The following EPB41L1 variants were observed in gnomAD, a reference collection of about 807,000 sequenced individuals.
The protein encoded by EPB41L1 is erythrocyte membrane protein band 4.1 like 1.
Under a neutral mutation model 97.8 loss-of-function variants are expected in EPB41L1, and 29 were observed. That is an observed-to-expected ratio of 0.30 (90% CI 0.22 to 0.40). EPB41L1 has a LOEUF of 0.40. EPB41L1 is among the 10% of genes least tolerant of loss of function. EPB41L1 has a pLI of 1.00. For missense variants in EPB41L1, 812 were observed against 1,162.3 expected (o/e 0.70, Z 4.38); for synonymous variants, 383 against 459.2 (o/e 0.83, Z 2.12).
chr20:36,221,194 C>T (rs1406935411), intron 19 of EPB41L1, among the ~76,000 whole-genome samples: 3 of 152,256 alleles, frequency 2.0e-5, no homozygotes, highest in Admixed American at 2.0e-4. Flanking sequence ...CCTGCTTTAA[C>T]ATGCCAAACA....
At position 36,187,778 on chromosome 20, in the gene EPB41L1, CT is replaced by C. The variant is rs779802897; in HGVS notation, c.873+16del. The C allele has an allele frequency of 3.1e-6, 5 of 1,611,562 alleles. No homozygotes were observed. In the East Asian group the frequency reaches 8.9e-5, roughly 29 times the overall value. ...ACCATGCCAAGGTACCACCAGCTTCCTGGGTTCCCCTAGTGTCTGGGTGGTG... is the reference window on the plus strand; with the variant it reads ...ACCATGCCAAGGTACCACCAGCTTCCGGGTTCCCCTAGTGTCTGGGTGGTG... On this transcript the variant is annotated intron_variant, in intron 8 of 21. Transcript: ENST00000338074.
intron 2 of EPB41L1, among the ~76,000 whole-genome samples, chr20:36,140,525 G>A (rs1335670731): frequency 6.6e-6 from 1 of 152,158 alleles, no homozygotes; most frequent in Admixed American, 6.5e-5. Context: ...AAGGGTGGTT[G>A]TAAGCACTGA....
intron 1 of EPB41L1, among the ~76,000 whole-genome samples, chr20:36,163,129 G>GTT (rs11347137): frequency 1.5e-4 from 21 of 140,998 alleles, no homozygotes; most frequent in South Asian, 4.5e-4. Flanking sequence ...CACTCTTTCT[G>GTT]TTTTTTTTTT....
In EPB41L1 at chr20:36,175,610, G is replaced by T. The variant is rs372366944; in HGVS notation, c.237G>T (p.Thr79=). The T allele has an allele frequency of 5.6e-6, 9 of 1,614,162 alleles. No homozygotes were observed. The South Asian group carries it at 9.9e-5, about 18-fold the overall frequency. The part of the protein sequence containing the change: ...SEADGLSERT[T]PSKAQKSPQK... ...CCGATGGCCTTTCGGAGAGGACCACGCCCAGCAAGGCCCAGAAATCGCCCC... is the reference window on the plus strand; with the variant it reads ...CCGATGGCCTTTCGGAGAGGACCACTCCCAGCAAGGCCCAGAAATCGCCCC... Residue 79 remains threonine (T), a synonymous_variant, in exon 3 of 22, where the codon ACG becomes ACT. Transcript: ENST00000338074.
intron 2 of EPB41L1, among the ~76,000 whole-genome samples, chr20:36,116,560 C>T (rs911680897): frequency 6.6e-6 from 1 of 152,166 alleles, no homozygotes; most frequent in Non-Finnish European, 1.5e-5. Context: ...TTCCCTTCTT[C>T]CTGGTGGTGA....
intron 1 of EPB41L1, among the ~76,000 whole-genome samples, chr20:36,173,282 T>C (rs371633508): frequency 2.0e-5 from 3 of 152,234 alleles, no homozygotes; most frequent in Admixed American, 6.5e-5. Flanking sequence ...TATTGAAGCT[T>C]GGGGTATGAA....
chr20:36,172,036 G>C (rs1363277175), intron 1 of EPB41L1, among the ~76,000 whole-genome samples: 1 of 152,156 alleles, frequency 6.6e-6, no homozygotes, highest in East Asian at 1.9e-4. Context: ...TTTCTAAAAA[G>C]CCAACTTGTA....
intron 14 of EPB41L1, among the ~76,000 whole-genome samples, chr20:36,203,959 C>T (rs187004481): frequency 7.9e-5 from 12 of 152,294 alleles, no homozygotes; most frequent in Admixed American, 2.0e-4. Context: ...ACAGACTCCT[C>T]ACCAAGTCAT....
At chr20:36,109,807 C>T (rs2058327781) in intron 1 of EPB41L1, 1 of 152,170 alleles carries the variant, frequency 6.6e-6, no homozygotes, top group Non-Finnish European at 1.5e-5. Context: ...ACATTCTGCC[C>T]CTGTCGTGGT....
chr20:36,167,230 C>T (rs2590948), intron 1 of EPB41L1, among the ~76,000 whole-genome samples: 7,730 of 152,040 alleles, frequency 0.051, 653 homozygotes, highest in African/African-American at 0.18. Flanking sequence ...CTCGCACAGT[C>T]GAAGAACAGA....
intron 2 of EPB41L1, among the ~76,000 whole-genome samples, chr20:36,120,275 A>G (rs2058711092): frequency 6.6e-6 from 1 of 152,228 alleles, no homozygotes; most frequent in African/African-American, 2.4e-5. Context: ...AGGCACGGAA[A>G]GGTGTCATAA....
rs901121458 is a variant in EPB41L1, at chr20:36,230,756, TTC to T, written c.*1424_*1425del. The T allele has an allele frequency of 2.0e-5, 3 of 151,690 alleles. No homozygotes were observed. The highest frequency in any genetic ancestry group is 4.9e-5 in the African/African-American group (2 of 41,066). 9.4% of individuals were successfully genotyped at this position (151,690 alleles called of 1,614,324 possible). A position where few individuals can be genotyped will look rare whatever the true frequency, so the allele number is the denominator to read the frequency against. On this transcript the variant is annotated 3_prime_UTR_variant, in exon 22 of 22. Transcript: ENST00000338074. ...ACGGGGCTTGCCTTGGTTTTCAGTC[TTC>T]TCTCTCTTTCTCTCTTTTTTTTTTT...
intron 1 of EPB41L1, among the ~76,000 whole-genome samples, chr20:36,161,089 C>G (rs2060507040): frequency 1.3e-5 from 2 of 152,252 alleles, no homozygotes. Context: ...GTTCCCTCCT[C>G]TCCTCACTGG....
chr20:36,175,031 A>G (rs1426370070), intron 2 of EPB41L1, among the ~76,000 whole-genome samples: 1 of 152,120 alleles, frequency 6.6e-6, no homozygotes, highest in East Asian at 1.9e-4. Flanking sequence ...AATTCACGAC[A>G]GGCCTGGAGG....
intron 14 of EPB41L1, among the ~76,000 whole-genome samples, chr20:36,205,696 G>A (rs149575508): frequency 6.6e-6 from 1 of 152,178 alleles, no homozygotes; most frequent in Non-Finnish European, 1.5e-5. Context: ...GGCACGTCAT[G>A]CCTTCCTCTC....
chr20:36,226,312 C>T lies in EPB41L1; in HGVS notation c.2638-3020C>T, dbSNP rs182166565. ...TTAAACTTTTCAGCCTATGATTCCT[C>T]GTCAGCCAAATGGCAATGATCATCA... On this transcript the variant is annotated intron_variant, in intron 21 of 21. Coordinates refer to ENST00000338074, the MANE Select transcript of EPB41L1 (RefSeq NM_012156.2). Among the ~76,000 whole-genome samples, 64 of 152,312 alleles carry T rather than the reference C, an allele frequency of 4.2e-4. 1 individual carries two copies. In the East Asian group the frequency reaches 9.1e-3, roughly 22 times the overall value.
intron 2 of EPB41L1, among the ~76,000 whole-genome samples, chr20:36,130,249 T>TTTTTTTG (rs368407577): frequency 0.39 from 57,829 of 149,888 alleles, 14,272 homozygotes; most frequent in African/African-American, 0.72. Flanking sequence ...GCAGTGTTTT[T>TTTTTTTG]TTTTTTGTTT....
intron 2 of EPB41L1, among the ~76,000 whole-genome samples, chr20:36,118,209 A>C (rs1481787563): frequency 6.6e-6 from 1 of 152,196 alleles, no homozygotes; most frequent in Non-Finnish European, 1.5e-5. Context: ...CATTAAATAA[A>C]ACACAGATGG....
At chr20:36,169,328 C>T (rs2060878540) in intron 1 of EPB41L1, among the ~76,000 whole-genome samples, 1 of 152,164 alleles carries the variant, frequency 6.6e-6, no homozygotes, top group African/African-American at 2.4e-5. Context: ...TCTGGGTCTG[C>T]CTGACTCCAC....
Sources: allele counts gnomAD v4.1 joint callset (sites outside exome capture counted in the v4.1 genomes callset), GRCh38; gene constraint gnomAD v4.1.1; transcripts MANE v1.5; gene names NCBI Gene and HGNC (gene_info 2026-07-23, HGNC 2026-07-21).